The following ADAMDEC1 variants were observed in gnomAD, a reference collection of about 807,000 sequenced individuals.
ADAMDEC1 encodes the protein ADAM DEC1.
A neutral mutation model predicts 60.4 loss-of-function variants in ADAMDEC1; 62 were observed. The observed-to-expected ratio is 1.03, with a 90% CI of 0.84 to 1.27. The LOEUF (loss-of-function observed/expected upper bound fraction) is 1.27. Ranked by LOEUF, ADAMDEC1 falls within the 50% of genes most tolerant of loss-of-function variation. The pLI, the probability that ADAMDEC1 is intolerant of heterozygous loss-of-function variation, is 0.00. For synonymous variants in ADAMDEC1, 210 were observed against 195.1 expected, an observed-to-expected ratio of 1.08 and a Z score of -0.64; for missense variants, 595 against 565.0, an observed-to-expected ratio of 1.05 and a Z score of -0.54.
chr8:24,390,215 G>A, intron 1 of ADAMDEC1: 2 of 1,138,018 alleles, frequency 1.8e-6, no homozygotes, highest in Non-Finnish European at 2.3e-6. Flanking sequence ...AAATATCAGA[G>A]AAGGTAAGTT....
In ADAMDEC1 at chr8:24,399,377, G is replaced by C; in HGVS notation, c.930-16G>C. The stretch of plus-strand genomic sequence containing the variant: ...GACTCAGATTGTGACAGTAGTATCT[G>C]TAACTTTTCATACAGCGGGATTAGC... On this transcript the variant is annotated splice_polypyrimidine_tract_variant and intron_variant, in intron 9 of 13. Transcript: ENST00000256412. The C allele has an allele frequency of 1.2e-6, 2 of 1,611,590 alleles. No individual in the cohort carries two copies. Among genetic ancestry groups the C allele is most frequent in the Non-Finnish European group, 1.7e-6 (2 of 1,177,774 alleles).
intron 13 of ADAMDEC1, 126 bp from the exon 14 acceptor site, chr8:24,405,166 T>G (rs1817858253): frequency 1.0e-6 from 1 of 965,530 alleles, no homozygotes; most frequent in Non-Finnish European, 1.5e-6. Context: ...AATGGTATAG[T>G]CTCTTAAATA....
chr8:24,398,540 C>G lies in ADAMDEC1; in HGVS notation c.751C>G (p.Leu251Val). 6.3e-7 allele frequency: 1 copy of G among 1,599,500 alleles called. No individual in the cohort carries two copies. The highest frequency in any genetic ancestry group is 8.5e-7 in the Non-Finnish European group (1 of 1,170,452). ...AAGCTTTGTGTTTGATGTGATGAAC[C>G]TACTCAATGTGGTAAGACATTAGTC... ...IRSFVFDVMNLLNVIYNTIDV... is the reference protein window; with the variant it reads ...IRSFVFDVMNVLNVIYNTIDV... The change falls in exon 8 of 14, where the codon CTA becomes GTA. Residue 251 changes from leucine to valine, a missense_variant. Transcript: ENST00000256412.
chr8:24,393,942 G>C (rs2129359343), intron 3 of ADAMDEC1, 127 bp from the exon 4 acceptor site: 2 of 513,536 alleles, frequency 3.9e-6, no homozygotes, highest in Non-Finnish European at 3.4e-6. Context: ...TGTTGGAAGA[G>C]GATTAGTAGG....
Position 24,398,511 on chromosome 8 carries a change from TAAG to T in ADAMDEC1, c.726_728del (p.Arg242del). 6.2e-7 allele frequency: 1 copy of T among 1,600,950 alleles called. No homozygotes were observed. The highest frequency in any genetic ancestry group is 8.5e-7 in the Non-Finnish European group (1 of 1,171,148). On this transcript the variant is annotated inframe_deletion, in exon 8 of 14. Coordinates refer to ENST00000256412, the MANE Select transcript of ADAMDEC1 (RefSeq NM_014479.3). ...AACTATAATGAGAATCTAACTCTGA[TAAG>T]AAGCTTTGTGTTTGATGTGATGAAC...
Position 24,392,357 on chromosome 8 carries a change from C to A in ADAMDEC1, c.184C>A (p.Gln62Lys). 1 of 1,610,768 alleles carries A rather than the reference C, an allele frequency of 6.2e-7. No individual in the cohort carries two copies. The highest frequency in any genetic ancestry group is 8.5e-7 in the Non-Finnish European group (1 of 1,178,216). The stretch of plus-strand genomic sequence containing the variant: ...ACACAAAAGAGAGATCAAGAACAAC[C>A]AGACAGAAAAGCATGGCAAAGAGGT... Reference protein sequence around the residue: ...ILHKREIKNNQTEKHGKEERY... With the variant: ...ILHKREIKNNKTEKHGKEERY... The change falls in exon 2 of 14, where the codon CAG (glutamine) becomes AAG (lysine). Residue 62 changes from glutamine to lysine, a missense_variant. Transcript: ENST00000256412.
intron 1 of ADAMDEC1, among the ~76,000 whole-genome samples, chr8:24,388,880 G>A (rs532156817): frequency 2.5e-4 from 38 of 152,214 alleles, no homozygotes; most frequent in African/African-American, 9.1e-4. Flanking sequence ...GTTTTAATAA[G>A]GACTTACAAA....
At chr8:24,388,944 C>G (rs897514412) in intron 1 of ADAMDEC1, among the ~76,000 whole-genome samples, 1 of 152,040 alleles carries the variant, frequency 6.6e-6, no homozygotes, top group Non-Finnish European at 1.5e-5. Flanking sequence ...ATGGTGGATC[C>G]CTATTCCATT....
chr8:24,397,639 G>T, intron 6 of ADAMDEC1, 44 bp from the exon 7 acceptor site: 1 of 1,559,734 alleles, frequency 6.4e-7, no homozygotes, highest in South Asian at 1.2e-5. Context: ...GAATCTTTTA[G>T]GATAAAGATA....
chr8:24,400,837 C>T (rs887685117), intron 11 of ADAMDEC1, among the ~76,000 whole-genome samples: 1 of 143,696 alleles, frequency 7.0e-6, no homozygotes, highest in Non-Finnish European at 1.5e-5. Context: ...CTTCCTGTGT[C>T]CAAGTGTTCT....
chr8:24,388,969 G>A (rs2129357409), intron 1 of ADAMDEC1, among the ~76,000 whole-genome samples: 1 of 152,248 alleles, frequency 6.6e-6, no homozygotes, highest in Middle Eastern at 3.4e-3. Context: ...TCCAGATCCA[G>A]GGCCTTTATA....
Position 24,384,356 on chromosome 8 carries a change from G to C in ADAMDEC1, c.-149G>C. 1 of 615,390 alleles carries C rather than the reference G, an allele frequency of 1.6e-6. No homozygotes were observed. The highest frequency in any genetic ancestry group is 2.8e-6 in the Non-Finnish European group (1 of 357,956). The allele number at this position is 615,390 out of a possible 1,614,324, so 38.1% of individuals were successfully genotyped here. A position where few individuals can be genotyped will look rare whatever the true frequency, so the allele number is the denominator to read the frequency against. On this transcript the variant is annotated 5_prime_UTR_variant, in exon 1 of 14. The change abolishes an upstream ATG in the 5' untranslated region. Coordinates refer to ENST00000256412, the MANE Select transcript of ADAMDEC1 (RefSeq NM_014479.3). ...CAAAGATGAGGAACATTCTCATGAT[G>C]TTGACACTGCAATTTTTTGACAATT...
chr8:24,394,395 T>C (rs896224507), intron 4 of ADAMDEC1, among the ~76,000 whole-genome samples: 2 of 152,328 alleles, frequency 1.3e-5, no homozygotes, highest in Non-Finnish European at 2.9e-5. Flanking sequence ...GTCACATTTT[T>C]GGAAGCAACC....
At chr8:24,385,194 A>C (rs570930226) in intron 1 of ADAMDEC1, among the ~76,000 whole-genome samples, 1 of 152,310 alleles carries the variant, frequency 6.6e-6, no homozygotes, top group African/African-American at 2.4e-5. Context: ...CATAATAAGC[A>C]TGTTAAAAGC....
intron 11 of ADAMDEC1, among the ~76,000 whole-genome samples, chr8:24,401,180 T>G (rs1395838746): frequency 6.6e-6 from 1 of 152,174 alleles, no homozygotes; most frequent in Non-Finnish European, 1.5e-5. Flanking sequence ...ACTTCCAGTC[T>G]CTTGATGCAC....
Position 24,399,376 on chromosome 8 carries a change from T to C in ADAMDEC1, c.930-17T>C, listed in dbSNP as rs370847425. On this transcript the variant is annotated splice_polypyrimidine_tract_variant and intron_variant, in intron 9 of 13. Coordinates refer to ENST00000256412, the MANE Select transcript of ADAMDEC1 (RefSeq NM_014479.3). The stretch of plus-strand genomic sequence containing the variant: ...AGACTCAGATTGTGACAGTAGTATC[T>C]GTAACTTTTCATACAGCGGGATTAG... 62 of 1,610,604 alleles carry C rather than the reference T, an allele frequency of 3.8e-5. No homozygotes were observed. The highest frequency in any genetic ancestry group is 5.2e-5 in the Non-Finnish European group (61 of 1,176,978).
intron 5 of ADAMDEC1, 134 bp downstream of exon 5, chr8:24,395,930 T>C: frequency 3.0e-6 from 2 of 660,898 alleles, no homozygotes; most frequent in Non-Finnish European, 5.2e-6. Flanking sequence ...GTGGTTAAAG[T>C]GAAGAACAAA....
At chr8:24,399,862 C>A (rs1227117989) in intron 10 of ADAMDEC1, among the ~76,000 whole-genome samples, 1 of 152,144 alleles carries the variant, frequency 6.6e-6, no homozygotes, top group Non-Finnish European at 1.5e-5. Context: ...TCATAGGTAT[C>A]ATAGCAATAG....
rs577111298 is a variant in ADAMDEC1, at chr8:24,390,130, C to T, written c.89-2132C>T. 440 of 632,418 alleles carry T rather than the reference C, an allele frequency of 7.0e-4. 6 individuals are homozygous for T. The highest frequency in any genetic ancestry group is 6.3e-3 in the South Asian group (424 of 66,954). The allele number at this position is 632,418 out of a possible 1,614,324, so 39.2% of individuals were successfully genotyped here. ...CTATTATTTTATTTAACCTGACAGC[C>T]TCAAACTGTGCGTGGCCTAAAGTCA... is the stretch of plus-strand genomic sequence containing the variant. On this transcript the variant is annotated intron_variant, in intron 1 of 13. Coordinates refer to ENST00000256412, the MANE Select transcript of ADAMDEC1 (RefSeq NM_014479.3).
Sources: gnomAD v4.1 joint callset for allele counts (sites outside exome capture counted in the v4.1 genomes callset) on GRCh38, gnomAD v4.1.1 for gene constraint, MANE v1.5 for transcripts, NCBI Gene and HGNC (gene_info 2026-07-23, HGNC 2026-07-21) for gene names.